The following MTPN variants were observed in gnomAD, a reference collection of about 807,000 sequenced individuals.
MTPN encodes granule cell differentiation protein.
MTPN carries 2 observed loss-of-function variants against 13.5 expected under a neutral mutation model. That is an observed-to-expected ratio of 0.15 (90% CI 0.06 to 0.47). The LOEUF (loss-of-function observed/expected upper bound fraction) is 0.47. Ranked by LOEUF, MTPN falls within the 20% of genes least tolerant of loss-of-function variation. MTPN has a pLI of 0.97. For missense variants in MTPN, 79 were observed against 137.9 expected, an observed-to-expected ratio of 0.57 and a Z score of 2.14; for synonymous variants, 46 against 51.7, an observed-to-expected ratio of 0.89 and a Z score of 0.48.
chr7:135,976,987 C>A, intron 1 of MTPN, 42 bp downstream of exon 1: 1 of 1,584,852 alleles, frequency 6.3e-7, no homozygotes. Context: ...TCATCTCCAG[C>A]CCACCTCCGT....
chr7:135,930,154 A>C, intron 3 of MTPN, 142 bp from the exon 4 acceptor site: 1 of 626,172 alleles, frequency 1.6e-6, no homozygotes. Flanking sequence ...ACTGCAGAAA[A>C]ACAAACAAGT....
At chr7:135,969,320 G>T (rs1475318488) in intron 1 of MTPN, among the ~76,000 whole-genome samples, 1 of 149,752 alleles carries the variant, frequency 6.7e-6, no homozygotes, top group East Asian at 1.9e-4. Flanking sequence ...ACTTAATACA[G>T]ATAAGAAGTT....
At chr7:135,970,084 T>C (rs1799669869) in intron 1 of MTPN, among the ~76,000 whole-genome samples, 1 of 152,154 alleles carries the variant, frequency 6.6e-6, no homozygotes, top group South Asian at 2.1e-4. Flanking sequence ...TCCTGTTTAA[T>C]TGCAAAGATG....
chr7:135,942,495 G>C (rs1236940480), intron 3 of MTPN, among the ~76,000 whole-genome samples: 1 of 152,150 alleles, frequency 6.6e-6, no homozygotes, highest in Non-Finnish European at 1.5e-5. Context: ...GACTGGATTT[G>C]AATTCCAATT....
intron 1 of MTPN, among the ~76,000 whole-genome samples, chr7:135,961,020 G>T (rs1437487669): frequency 6.6e-6 from 1 of 152,024 alleles, no homozygotes; most frequent in Non-Finnish European, 1.5e-5. Context: ...AATTAAAACT[G>T]CAATTGCAAA....
intron 2 of MTPN, among the ~76,000 whole-genome samples, chr7:135,951,048 G>T (rs1327211230): frequency 6.6e-6 from 1 of 152,186 alleles, no homozygotes. Context: ...CAGCCAAAGA[G>T]GAGGTAAAAG....
chr7:135,972,692 CA>C (rs1799714438), intron 1 of MTPN, among the ~76,000 whole-genome samples: 1 of 152,028 alleles, frequency 6.6e-6, no homozygotes, highest in Non-Finnish European at 1.5e-5. Context: ...ATCTGATGAG[CA>C]AAACAGTAAA....
intron 1 of MTPN, among the ~76,000 whole-genome samples, chr7:135,959,303 T>C (rs1374504502): frequency 1.3e-5 from 2 of 152,194 alleles, no homozygotes; most frequent in African/African-American, 2.4e-5. Context: ...CATTATTTCA[T>C]TGATTCCTAA....
At chr7:135,963,741 T>C (rs997198198) in intron 1 of MTPN, among the ~76,000 whole-genome samples, 2 of 152,094 alleles carry the variant, frequency 1.3e-5, no homozygotes, top group Non-Finnish European at 2.9e-5. Context: ...ATTTGTTATG[T>C]ATTCTTATCC....
intron 1 of MTPN, among the ~76,000 whole-genome samples, chr7:135,974,572 AATGCTT>A (rs1799744431): frequency 6.6e-6 from 1 of 152,170 alleles, no homozygotes; most frequent in South Asian, 2.1e-4. Context: ...GGAATACTAA[AATGCTT>A]ATCTTACTCT....
At chr7:135,943,878 A>G (rs1799248897) in intron 3 of MTPN, among the ~76,000 whole-genome samples, 1 of 152,254 alleles carries the variant, frequency 6.6e-6, no homozygotes, top group African/African-American at 2.4e-5. Flanking sequence ...ACAAAATGAT[A>G]GCTTATAATA....
chr7:135,956,783 T>C (rs940122906), intron 1 of MTPN, among the ~76,000 whole-genome samples: 3 of 152,212 alleles, frequency 2.0e-5, no homozygotes, highest in Admixed American at 6.5e-5. Flanking sequence ...CTCACCAGCA[T>C]GTGCCATTCA....
At chr7:135,942,350 T>C (rs1177903646) in intron 3 of MTPN, among the ~76,000 whole-genome samples, 2 of 152,218 alleles carry the variant, frequency 1.3e-5, no homozygotes, top group Non-Finnish European at 2.9e-5. Flanking sequence ...CCTAAAGTCT[T>C]TGTACTTGCT....
intron 1 of MTPN, among the ~76,000 whole-genome samples, chr7:135,968,241 A>T (rs572824257): frequency 5.9e-5 from 9 of 152,298 alleles, no homozygotes; most frequent in African/African-American, 2.2e-4. Context: ...TGTAAATAAG[A>T]GAAAAGTAAC....
chr7:135,959,976 T>C (rs1799497626), intron 1 of MTPN, among the ~76,000 whole-genome samples: 1 of 152,112 alleles, frequency 6.6e-6, no homozygotes, highest in African/African-American at 2.4e-5. Flanking sequence ...TTTATGCTTA[T>C]TAAATGGTTT....
At chr7:135,933,790 A>G (rs751170111) in intron 3 of MTPN, among the ~76,000 whole-genome samples, 1 of 152,196 alleles carries the variant, frequency 6.6e-6, no homozygotes, top group African/African-American at 2.4e-5. Flanking sequence ...CCAAATCTCA[A>G]GTCAAACTAT....
chr7:135,940,537 T>C lies in MTPN; in HGVS notation c.270+10062A>G, dbSNP rs569058141. 1.1e-4 allele frequency among the ~76,000 whole-genome samples: 16 copies of C among 152,322 alleles called. No homozygotes were observed. In the East Asian group the frequency reaches 2.9e-3, roughly 28 times the overall value. On this transcript the variant is annotated intron_variant, in intron 3 of 3. Coordinates refer to ENST00000393085, the MANE Select transcript of MTPN (RefSeq NM_145808.4). The stretch of plus-strand genomic sequence containing the variant: ...GTAAAAATATGTAACCACATGTTTC[T>C]CACAGCAGTCCCCTGAAGTGGACAT...
At chr7:135,956,636 C>A (rs1231263696) in intron 1 of MTPN, among the ~76,000 whole-genome samples, 1 of 152,162 alleles carries the variant, frequency 6.6e-6, no homozygotes, top group Non-Finnish European at 1.5e-5. Context: ...GGAACTGACT[C>A]ATCCTCTCAT....
In MTPN at chr7:135,957,820, T is replaced by G. The variant is rs142967070; in HGVS notation, c.73-6190A>C. Among the ~76,000 whole-genome samples, 459 of 152,192 alleles carry G rather than the reference T, an allele frequency of 3.0e-3. 2 individuals are homozygous for G. The highest frequency in any genetic ancestry group is 0.011 in the African/African-American group (452 of 41,522). On this transcript the variant is annotated intron_variant, in intron 1 of 3. Transcript: ENST00000393085. ...GTGTTAATAAGAGCCTGGCACCTCC[T>G]CCCTCCCTTGCTTCCTCTCTCACCA...
Sources: gnomAD v4.1 joint callset for allele counts (sites outside exome capture counted in the v4.1 genomes callset) on GRCh38, gnomAD v4.1.1 for gene constraint, MANE v1.5 for transcripts, NCBI Gene and HGNC (gene_info 2026-07-23, HGNC 2026-07-21) for gene names.